The following NEXMIF variants were observed in gnomAD, a reference collection of about 807,000 sequenced individuals.
NEXMIF encodes the protein neurite extension and migration factor.
In NEXMIF, 8 loss-of-function variants were observed where a neutral mutation model predicts 62.1. That is an observed-to-expected ratio of 0.13 (90% confidence interval 0.08 to 0.23). The LOEUF (loss-of-function observed/expected upper bound fraction) is 0.23, where lower values mean the gene tolerates loss of function less well. Among genes scored for constraint, NEXMIF ranks in the 10% least tolerant of loss-of-function variants. The pLI is 1.00. For synonymous variants in NEXMIF, 404 were observed against 416.6 expected, an observed-to-expected ratio of 0.97 and a Z score of 0.37; for missense variants, 976 against 1,113.3, an observed-to-expected ratio of 0.88 and a Z score of 1.75.
At chrX:74,884,934 A>G (rs1309432627) in intron 1 of NEXMIF, among the ~76,000 whole-genome samples, 1 of 111,598 alleles carries the variant, frequency 9.0e-6, no homozygotes, top group South Asian at 3.8e-4. Context: ...AACAGAAATT[A>G]TAACAAACTG....
chrX:74,807,961 G>A (rs919802407), intron 1 of NEXMIF, among the ~76,000 whole-genome samples: 3 of 111,935 alleles, frequency 2.7e-5, no homozygotes, highest in Admixed American at 9.5e-5. Flanking sequence ...TTCTTAGATT[G>A]CTAGGAGCTT....
chrX:74,871,394 A>G (rs2080600350), intron 1 of NEXMIF, among the ~76,000 whole-genome samples: 1 of 111,674 alleles, frequency 9.0e-6, no homozygotes, highest in African/African-American at 3.3e-5. Flanking sequence ...GGCAAAAATT[A>G]GAATTACTGA....
At chrX:74,784,322 C>T (rs765942944) in intron 1 of NEXMIF, among the ~76,000 whole-genome samples, 1 of 111,236 alleles carries the variant, frequency 9.0e-6, no homozygotes, top group East Asian at 2.8e-4. Context: ...TTGGCTTATG[C>T]AAAAATCCCA....
chrX:74,859,659 G>A (rs1160828112), intron 1 of NEXMIF, among the ~76,000 whole-genome samples: 1 of 111,159 alleles, frequency 9.0e-6, no homozygotes, highest in East Asian at 2.8e-4. Flanking sequence ...AAGTAGAAAG[G>A]CTAAACAATG....
intron 1 of NEXMIF, among the ~76,000 whole-genome samples, chrX:74,829,297 T>C (rs1001080339): frequency 8.9e-6 from 1 of 112,396 alleles, no homozygotes; most frequent in Non-Finnish European, 1.9e-5. Context: ...TGACAGAACA[T>C]GTGATGTTTG....
At chrX:74,833,255 T>C (rs2080444730) in intron 1 of NEXMIF, among the ~76,000 whole-genome samples, 1 of 111,881 alleles carries the variant, frequency 8.9e-6, no homozygotes, top group African/African-American at 3.2e-5. Flanking sequence ...TCTCTTTAGC[T>C]CTAATAATAT....
intron 1 of NEXMIF, among the ~76,000 whole-genome samples, chrX:74,875,258 G>T (rs868741869): frequency 1.2e-4 from 13 of 110,915 alleles, no homozygotes; most frequent in South Asian, 7.7e-4. Context: ...TAATCATGTG[G>T]TTTTTGTCTT....
At chrX:74,909,532 G>T (rs2080780771) in intron 1 of NEXMIF, among the ~76,000 whole-genome samples, 2 of 111,835 alleles carry the variant, frequency 1.8e-5, no homozygotes, top group Admixed American at 9.5e-5. Context: ...GAGCATAAAC[G>T]TTCAGATAAT....
chrX:74,850,844 ATAAT>A (rs1310193339), intron 1 of NEXMIF, among the ~76,000 whole-genome samples: 2 of 110,724 alleles, frequency 1.8e-5, no homozygotes. Flanking sequence ...CCAAATAAAA[ATAAT>A]TATTCTCCAG....
intron 1 of NEXMIF, among the ~76,000 whole-genome samples, chrX:74,807,501 C>A (rs937622536): frequency 1.8e-5 from 2 of 109,663 alleles, no homozygotes; most frequent in Non-Finnish European, 3.8e-5. Context: ...CTTGCTTTGT[C>A]GCCTGGGCTG....
chrX:74,772,108 T>G (rs1242959920), intron 1 of NEXMIF, among the ~76,000 whole-genome samples: 1 of 111,967 alleles, frequency 8.9e-6, no homozygotes, highest in Non-Finnish European at 1.9e-5. Flanking sequence ...TTTCTGTTGA[T>G]CTCTAAGACA....
At chrX:74,773,283 T>C (rs980369231) in intron 1 of NEXMIF, among the ~76,000 whole-genome samples, 2 of 112,124 alleles carry the variant, frequency 1.8e-5, no homozygotes, top group East Asian at 5.6e-4. Context: ...TTACTTTAAT[T>C]CAAACAATGG....
At chrX:74,789,444 T>A (rs1173075042) in intron 1 of NEXMIF, among the ~76,000 whole-genome samples, 2 of 109,750 alleles carry the variant, frequency 1.8e-5, no homozygotes, top group Non-Finnish European at 3.8e-5. Flanking sequence ...TATGTGTGCA[T>A]GTGTCTTTAT....
At chrX:74,829,143 T>C (rs1430175955) in intron 1 of NEXMIF, among the ~76,000 whole-genome samples, 1 of 112,198 alleles carries the variant, frequency 8.9e-6, no homozygotes, top group African/African-American at 3.2e-5. Flanking sequence ...TGAATAATAA[T>C]CACATAATGG....
intron 1 of NEXMIF, among the ~76,000 whole-genome samples, chrX:74,830,013 G>T (rs2080430891): frequency 9.0e-6 from 1 of 111,271 alleles, no homozygotes; most frequent in Admixed American, 9.6e-5. Context: ...TCTTCACTTT[G>T]TTGATTGTTT....
rs146552498 is a variant in NEXMIF at position 74,905,744 on chromosome X, A to T, written c.-48+19139T>A. Among the ~76,000 whole-genome samples, 400 of 111,103 alleles carry T rather than the reference A, an allele frequency of 3.6e-3. 5 individuals carry two copies. Among genetic ancestry groups the T allele is most frequent in the African/African-American group, 0.012 (378 of 30,606 alleles). On this transcript the variant is annotated intron_variant, in intron 1 of 3. Transcript: ENST00000055682. Reference sequence around the variant, plus strand: ...AGAATTGCTTGAACTCAGGAGTTGGAGGCTGCAATGAGCCCAGACTGCACC... The same window carrying T: ...AGAATTGCTTGAACTCAGGAGTTGGTGGCTGCAATGAGCCCAGACTGCACC...
intron 1 of NEXMIF, among the ~76,000 whole-genome samples, chrX:74,899,261 A>C (rs2080741716): frequency 8.9e-6 from 1 of 111,888 alleles, no homozygotes; most frequent in Non-Finnish European, 1.9e-5. Context: ...AAAGGCATCA[A>C]ATAGGAAAGA....
chrX:74,879,174 C>T (rs770462511), intron 1 of NEXMIF, among the ~76,000 whole-genome samples: 4 of 112,187 alleles, frequency 3.6e-5, no homozygotes, highest in Non-Finnish European at 7.5e-5. Context: ...AAATCATCTA[C>T]GTTTGTGTAA....
intron 1 of NEXMIF, among the ~76,000 whole-genome samples, chrX:74,769,045 C>T (rs766092545): frequency 9.1e-6 from 1 of 110,113 alleles, no homozygotes; most frequent in East Asian, 2.8e-4. Flanking sequence ...GCTTAGGGCA[C>T]TGGAGGAATG....
Sources: allele counts gnomAD v4.1 joint callset (sites outside exome capture counted in the v4.1 genomes callset), GRCh38; gene constraint gnomAD v4.1.1; transcripts MANE v1.5; gene names NCBI Gene and HGNC (gene_info 2026-07-23, HGNC 2026-07-21).